The following KMT2C variants were observed in gnomAD, a reference collection of about 807,000 sequenced individuals.
KMT2C encodes histone-lysine N-methyltransferase 2C.
In KMT2C, 88 loss-of-function variants were observed where a neutral mutation model predicts 507.9. The observed-to-expected ratio is 0.17, with a 90% CI of 0.15 to 0.21. The LOEUF (loss-of-function observed/expected upper bound fraction) is 0.21. Ranked by LOEUF, KMT2C falls within the 10% of genes least tolerant of loss-of-function variation. KMT2C has a pLI of 1.00. For missense variants in KMT2C, 4,954 were observed against 5,957.8 expected, an observed-to-expected ratio of 0.83 and a Z score of 5.55; for synonymous variants, 2,049 against 2,080.8, an observed-to-expected ratio of 0.98 and a Z score of 0.42.
intron 2 of KMT2C, among the ~76,000 whole-genome samples, chr7:152,352,689 G>A (rs1029797343): frequency 2.6e-5 from 4 of 152,068 alleles, no homozygotes; most frequent in African/African-American, 4.8e-5. Flanking sequence ...AATTTCCCCC[G>A]ATATCCCTTG....
chr7:152,401,138 T>G (rs964426480), intron 1 of KMT2C, among the ~76,000 whole-genome samples: 2 of 147,370 alleles, frequency 1.4e-5, no homozygotes, highest in Non-Finnish European at 3.0e-5. Context: ...CAGGCTGGAG[T>G]GCAATGGCAC....
At chr7:152,201,804 C>T (rs1268046163) in intron 26 of KMT2C, among the ~76,000 whole-genome samples, 2 of 152,024 alleles carry the variant, frequency 1.3e-5, no homozygotes, top group Non-Finnish European at 2.9e-5. Context: ...CATACATACT[C>T]TCACTGAACT....
At chr7:152,223,670 T>G (rs1223867218) in intron 20 of KMT2C, among the ~76,000 whole-genome samples, 1 of 152,120 alleles carries the variant, frequency 6.6e-6, no homozygotes. Flanking sequence ...GGCATGCACC[T>G]GTAGTCCCAG....
chr7:152,195,216 A>C (rs965707835), intron 28 of KMT2C, among the ~76,000 whole-genome samples: 2 of 152,142 alleles, frequency 1.3e-5, no homozygotes, highest in African/African-American at 4.8e-5. Flanking sequence ...AAAAGTAAAA[A>C]TTTAGTCTGT....
chr7:152,183,090 T>C lies in KMT2C; in HGVS notation c.5149A>G (p.Lys1717Glu), dbSNP rs1277391709. 6.2e-7 allele frequency: 1 copy of C among 1,613,230 alleles called. No individual in the cohort carries two copies. Among genetic ancestry groups the C allele is most frequent in the African/African-American group, 1.3e-5 (1 of 75,000 alleles). Residue 1717 changes from lysine to glutamate, a missense_variant, in exon 35 of 59, where the codon AAA becomes GAA. Physicochemically the swap from Lys to Glu is moderately conservative, Grantham distance 56. Transcript: ENST00000262189. ...ATGCTATCTTGCTGTTGCTGCCTTT[T>C]CATGGAATCATTTGACATCTGTACT... is the stretch of plus-strand genomic sequence containing the variant. ...NKVQMSNDSM[K>E]RQQQQDSIDP...
intron 53 of KMT2C, among the ~76,000 whole-genome samples, chr7:152,146,051 G>A (rs1371460974): frequency 1.3e-5 from 2 of 152,160 alleles, no homozygotes; most frequent in Non-Finnish European, 2.9e-5. Flanking sequence ...CAATGCCTTA[G>A]AATCATACAA....
chr7:152,290,588 G>GT (rs2096411385), intron 6 of KMT2C, among the ~76,000 whole-genome samples: 1 of 151,446 alleles, frequency 6.6e-6, no homozygotes, highest in African/African-American at 2.4e-5. Context: ...GATTACAGGC[G>GT]TAAACCACTG....
At chr7:152,137,636 T>C (rs2090020310) in intron 58 of KMT2C, 1 of 152,266 alleles carries the variant, frequency 6.6e-6, no homozygotes, top group African/African-American at 2.4e-5. Context: ...CAGCTGTTCT[T>C]GGCAATGATT....
chr7:152,378,926 T>C (rs1448809744), intron 1 of KMT2C, among the ~76,000 whole-genome samples: 1 of 152,200 alleles, frequency 6.6e-6, no homozygotes, highest in Admixed American at 6.5e-5. Flanking sequence ...TCCTTACAAA[T>C]TTATAAGGAA....
chr7:152,278,320 G>A (rs1411939564), intron 6 of KMT2C, among the ~76,000 whole-genome samples: 1 of 151,036 alleles, frequency 6.6e-6, no homozygotes, highest in Non-Finnish European at 1.5e-5. Context: ...TCACTCTGTT[G>A]CCCAGGCTGG....
chr7:152,320,911 A>T (rs990287532), intron 3 of KMT2C, among the ~76,000 whole-genome samples: 1 of 152,022 alleles, frequency 6.6e-6, no homozygotes, highest in Admixed American at 6.6e-5. Flanking sequence ...TAATGCAGTA[A>T]AACTAAAAAT....
At chr7:152,261,987 A>T (rs1250854696) in intron 9 of KMT2C, among the ~76,000 whole-genome samples, 1 of 151,910 alleles carries the variant, frequency 6.6e-6, no homozygotes, top group East Asian at 1.9e-4. Flanking sequence ...CAGGAGAGAA[A>T]GCCCCTCCCC....
chr7:152,173,312 AACTAG>A (rs2093049452), intron 39 of KMT2C, among the ~76,000 whole-genome samples: 1 of 152,216 alleles, frequency 6.6e-6, no homozygotes, highest in Admixed American at 6.5e-5. Flanking sequence ...TCAACAAGAT[AACTAG>A]ACTAAATTGA....
At chr7:152,218,828 G>C (rs1233494791) in intron 23 of KMT2C, among the ~76,000 whole-genome samples, 1 of 152,132 alleles carries the variant, frequency 6.6e-6, no homozygotes, top group Non-Finnish European at 1.5e-5. Flanking sequence ...CTCTCACCCA[G>C]AGCCTTTACA....
In KMT2C at chr7:152,179,945, C is replaced by A. The variant is rs1218417448; in HGVS notation, c.7331G>T (p.Arg2444Met). ...TCCTAAAGGAGGGGCAACAGGAGAC[C>A]TAATGTTCCCAGGATAGGGAGGTGG... ...RPPPPYPGNI[R>M]SPVAPPLGPR... is the part of the protein sequence containing the mutation. Residue 2444 changes from arginine to methionine, a missense_variant, in exon 37 of 59, where the codon AGG (arginine) becomes ATG (methionine). Arg to Met is a moderately conservative substitution (Grantham distance 91, BLOSUM62 -1). Around this residue, in one of 29 missense-constraint regions of KMT2C, gnomAD observed 1,689 missense variants for 1,654.3 expected, o/e 1.02. Transcript: ENST00000262189. 3.1e-6 allele frequency: 5 copies of A among 1,613,944 alleles called. No individual in the cohort carries two copies. The highest frequency in any genetic ancestry group is 1.3e-5 in the African/African-American group (1 of 74,876).
chr7:152,349,734 T>C (rs1436310478), intron 2 of KMT2C, among the ~76,000 whole-genome samples: 2 of 152,108 alleles, frequency 1.3e-5, no homozygotes, highest in African/African-American at 4.8e-5. Flanking sequence ...CATTATACCT[T>C]TGTCCAAACC....
At chr7:152,151,619 C>T (rs754098959) in intron 49 of KMT2C, 38 bp from the exon 50 acceptor site, 2 of 1,590,864 alleles carry the variant, frequency 1.3e-6, no homozygotes, top group East Asian at 4.5e-5. Context: ...TTAAAACTGA[C>T]TGATGACACA....
intron 6 of KMT2C, among the ~76,000 whole-genome samples, chr7:152,294,161 T>C (rs959908118): frequency 3.3e-5 from 5 of 152,126 alleles, no homozygotes; most frequent in Non-Finnish European, 5.9e-5. Flanking sequence ...TGAGCCACTA[T>C]GCCCAGCCAC....
chr7:152,329,098 A>C (rs1215184688), intron 3 of KMT2C, among the ~76,000 whole-genome samples: 2 of 152,146 alleles, frequency 1.3e-5, no homozygotes, highest in East Asian at 1.9e-4. Flanking sequence ...AGCCATTAGA[A>C]TGAATGAGCT....
Sources: gnomAD v4.1 joint callset for allele counts (sites outside exome capture counted in the v4.1 genomes callset) on GRCh38, gnomAD v4.1.1 for gene constraint, gnomAD v4.1.1 regional missense constraint, MANE v1.5 for transcripts, NCBI Gene and HGNC (gene_info 2026-07-23, HGNC 2026-07-21) for gene names.